The following ECEL1 variants were observed in gnomAD, a reference collection of about 807,000 sequenced individuals.
ECEL1 encodes endothelin converting enzyme like 1.
ECEL1 carries 87 observed loss-of-function variants against 101.8 expected under a neutral mutation model. The ratio of observed to expected loss-of-function variants is 0.85; its 90% CI spans 0.72 to 1.02. ECEL1 has a LOEUF of 1.02. ECEL1 is among the 50% of genes least tolerant of loss of function. The pLI is 0.00. For missense variants in ECEL1, 1,032 were observed against 1,079.2 expected (o/e 0.96, Z 0.61); for synonymous variants, 487 against 468.7 (o/e 1.04, Z -0.50).
At chr2:232,486,987 T>C (rs1285619290) in intron 1 of ECEL1, among the ~76,000 whole-genome samples, 1 of 152,168 alleles carries the variant, frequency 6.6e-6, no homozygotes, top group African/African-American at 2.4e-5. Flanking sequence ...GGGAGGGCTC[T>C]TATTGGAAGC....
chr2:232,481,083 C>T lies in ECEL1; in HGVS notation c.2055+8G>A. The T allele has an allele frequency of 6.4e-7, 1 of 1,556,256 alleles. No individual in the cohort carries two copies. Among genetic ancestry groups the T allele is most frequent in the Non-Finnish European group, 8.7e-7 (1 of 1,150,144 alleles). On this transcript the variant is annotated splice_region_variant and intron_variant, in intron 15 of 17. Transcript: ENST00000304546. ...GCAGCAGGGGTGGAGCACAGGCAGG[C>T]CGCTCACGTGGTAGGCCAGCTTGAG...
intron 16 of ECEL1, 119 bp from the exon 17 acceptor site, chr2:232,480,594 C>CT: frequency 3.3e-6 from 5 of 1,493,572 alleles, no homozygotes; most frequent in Non-Finnish European, 3.7e-6. Context: ...ACCATCACCT[C>CT]TGACGGGACA....
At position 232,483,175 on chromosome 2, in the gene ECEL1, T is replaced by C. The variant is rs374850133; in HGVS notation, c.1511A>G (p.Gln504Arg). ...GTAGCCGACCATCACCATCATGTAC[T>C]GGAGCTGCGGGCCGAGGGCAGGTGA... is the stretch of plus-strand genomic sequence containing the variant. ...ETRAAARAKL[Q>R]YMMVMVGYPD... The change falls in exon 9 of 18, where the codon CAG (glutamine) becomes CGG (arginine). Residue 504 changes from glutamine (Q) to arginine (R), a missense_variant. Transcript: ENST00000304546. 1.0e-5 allele frequency: 16 copies of C among 1,603,318 alleles called. No individual in the cohort carries two copies. Among genetic ancestry groups the C allele is most frequent in the Non-Finnish European group, 1.4e-5 (16 of 1,175,800 alleles).
At chr2:232,485,838 GC>G in intron 2 of ECEL1, 29 bp downstream of exon 2, 1 of 1,538,484 alleles carries the variant, frequency 6.5e-7, no homozygotes, top group Non-Finnish European at 8.7e-7. Flanking sequence ...ATCCGCGGCC[GC>G]TGGCAGGGCG....
At chr2:232,481,322 T>A (rs528101003) in intron 14 of ECEL1, among the ~76,000 whole-genome samples, 166 bp from the exon 15 acceptor site, 57 of 152,316 alleles carry the variant, frequency 3.7e-4, no homozygotes, top group Non-Finnish European at 3.1e-4. Context: ...AACCCCCTTG[T>A]CCTCCGTAAG....
chr2:232,484,252 C>A (rs1472091904), intron 6 of ECEL1, 29 bp from the exon 7 acceptor site: 2 of 1,598,128 alleles, frequency 1.3e-6, no homozygotes, highest in African/African-American at 1.3e-5. Flanking sequence ...CAGTGGGTGT[C>A]CAGACGGACA....
At position 232,483,296 on chromosome 2, in the gene ECEL1, G is replaced by C. The variant is rs139763270; in HGVS notation, c.1507-117C>G. On this transcript the variant is annotated intron_variant, in intron 8 of 17. Transcript: ENST00000304546. ...CAGCCTGGGAGTGGGCTTCACAGTGGGGGAGGCAGGCCTGGTCAACTCCAC... is the reference window on the plus strand; with the variant it reads ...CAGCCTGGGAGTGGGCTTCACAGTGCGGGAGGCAGGCCTGGTCAACTCCAC... 2.6e-5 allele frequency: 40 copies of C among 1,551,630 alleles called. No individual in the cohort carries two copies. The African/African-American group carries it at 3.5e-4, about 14-fold the overall frequency.
In ECEL1 at chr2:232,485,763, T is replaced by C. The variant is rs186977640; in HGVS notation, c.786+105A>G. 2.3e-4 allele frequency: 321 copies of C among 1,404,908 alleles called. 1 individual carries two copies. In the African/African-American group the frequency reaches 4.2e-3, roughly 19 times the overall value. 87.0% of individuals were successfully genotyped at this position (1,404,908 alleles called of 1,614,324 possible). ...TCCCCTCTCCTGCTCGTCTCTTCCC[T>C]CCTCTCCTCTCACGCACCCGCCTCC... On this transcript the variant is annotated intron_variant, in intron 2 of 17. Coordinates refer to ENST00000304546, the MANE Select transcript of ECEL1 (RefSeq NM_004826.4).
At position 232,486,498 on chromosome 2, in the gene ECEL1, C is replaced by A; in HGVS notation, c.156G>T (p.Leu52=). 7.2e-7 allele frequency: 1 copy of A among 1,383,892 alleles called. No individual in the cohort carries two copies. Among genetic ancestry groups the A allele is most frequent in the Non-Finnish European group, 9.3e-7 (1 of 1,079,050 alleles). 85.7% of individuals were successfully genotyped at this position (1,383,892 alleles called of 1,614,324 possible). The change falls in exon 2 of 18, where the codon CTG becomes CTT. Residue 52 remains leucine (L), a synonymous_variant. Transcript: ENST00000304546. ...ACACCTCGCGCCGGTTCCAGCGCGG[C>A]AGCCCGGACCGGGCCCCGGTGGCGC... The part of the protein sequence containing the change: ...ARSATGARSG[L]PRWNRREVCL...
Position 232,480,352 on chromosome 2 carries a change from C to T in ECEL1, c.2228+47G>A, listed in dbSNP as rs1690544557. The T allele has an allele frequency of 5.0e-6, 8 of 1,612,368 alleles. No homozygotes were observed. The Middle Eastern group carries it at 6.6e-4, about 133-fold the overall frequency. On this transcript the variant is annotated intron_variant, in intron 17 of 17. Coordinates refer to ENST00000304546, the MANE Select transcript of ECEL1 (RefSeq NM_004826.4). ...TTCCTTCCCATGCCCCCTGATCCCA[C>T]CCCAAACACAAGGAGTGGACAAGGC...
In ECEL1 at chr2:232,486,794, C is replaced by T; in HGVS notation, c.-101-40G>A. Reference sequence around the variant, plus strand: ...GAAGCAGGCTCAGGAGGCGCCGCAGCCGGATGGGGCTCAGGGTCACCGCGA... The same window carrying T: ...GAAGCAGGCTCAGGAGGCGCCGCAGTCGGATGGGGCTCAGGGTCACCGCGA... On this transcript the variant is annotated intron_variant, in intron 1 of 17. Transcript: ENST00000304546. The T allele has an allele frequency of 5.3e-6, 5 of 938,032 alleles. No individual in the cohort carries two copies. In the South Asian group the frequency reaches 1.2e-4, roughly 22 times the overall value. The allele number at this position is 938,032 out of a possible 1,614,324, so 58.1% of individuals were successfully genotyped here.
At position 232,480,141 on chromosome 2, in the gene ECEL1, G is replaced by C; in HGVS notation, c.*12C>G. The C allele has an allele frequency of 6.2e-7, 1 of 1,613,130 alleles. No homozygotes were observed. Among genetic ancestry groups the C allele is most frequent in the Middle Eastern group, 1.7e-4 (1 of 6,032 alleles). ...GCGGGGGCAGTGGGGGCGTGCAGGC[G>C]GGCAGCCAGGCTCACCACACGGAAC... On this transcript the variant is annotated 3_prime_UTR_variant, in exon 18 of 18. Transcript: ENST00000304546.
At chr2:232,484,325 G>C (rs1041302657) in intron 6 of ECEL1, 102 bp from the exon 7 acceptor site, 25 of 1,561,354 alleles carry the variant, frequency 1.6e-5, no homozygotes, top group Non-Finnish European at 1.3e-5. Flanking sequence ...CTGGACCCAG[G>C]ACCCAGACAG....
At chr2:232,487,177 C>T (rs950919189) in intron 1 of ECEL1, among the ~76,000 whole-genome samples, 1 of 152,212 alleles carries the variant, frequency 6.6e-6, no homozygotes, top group African/African-American at 2.4e-5. Context: ...ACTTTCAGCT[C>T]TCCGCGCTGG....
In ECEL1 at chr2:232,485,025, G is replaced by C; in HGVS notation, c.922C>G (p.Gln308Glu). The C allele has an allele frequency of 6.2e-7, 1 of 1,612,940 alleles. No individual in the cohort carries two copies. The highest frequency in any genetic ancestry group is 1.1e-5 in the South Asian group (1 of 91,082). Residue 308 changes from glutamine to glutamate, a missense_variant, in exon 4 of 18, where the codon CAG becomes GAG. Gln to Glu is a conservative substitution (Grantham distance 29, BLOSUM62 2). Coordinates refer to ENST00000304546, the MANE Select transcript of ECEL1 (RefSeq NM_004826.4). ...ACTTGCAGGATCTCTTGGGCCTTCT[G>C]TTCCACAGCGTCTGCACCCAGGAGG... Reference protein sequence around the residue: ...LSLLGADAVEQKAQEILQVEQ... With the variant: ...LSLLGADAVEEKAQEILQVEQ...
rs1247801096 is a variant in ECEL1, at chr2:232,481,535, A to G, written c.1960T>C (p.Tyr654His). 5 of 1,613,186 alleles carry G rather than the reference A, an allele frequency of 3.1e-6. No homozygotes were observed. The highest frequency in any genetic ancestry group is 4.2e-6 in the Non-Finnish European group (5 of 1,179,806). Residue 654 changes from tyrosine (Y) to histidine (H), a missense_variant, in exon 14 of 18, where the codon TAT (tyrosine) becomes CAT (histidine). Physicochemically the swap from Tyr to His is moderately conservative, Grantham distance 83. Coordinates refer to ENST00000304546, the MANE Select transcript of ECEL1 (RefSeq NM_004826.4). ...TGGTTGTAGACAGTGAAGTTGTCATAGAGACGGACGATGCACTCAGCCTTT... is the reference window on the plus strand; with the variant it reads ...TGGTTGTAGACAGTGAAGTTGTCATGGAGACGGACGATGCACTCAGCCTTT... ...LRKAECIVRL[Y>H]DNFTVYNQRV...
In ECEL1 at chr2:232,486,089, C is replaced by T; in HGVS notation, c.565G>A (p.Asp189Asn). Reference protein sequence around the residue: ...KVRAFFRSCLDMREIERLGPR... With the variant: ...KVRAFFRSCLNMREIERLGPR... ...CCCAGTCGCTCGATCTCGCGCATGT[C>T]GAGGCACGAGCGGAAGAAGGCGCGC... Residue 189 changes from aspartate to asparagine, a missense_variant, in exon 2 of 18, where the codon GAC becomes AAC. By Grantham distance (23) the Asp-to-Asn change is conservative. Coordinates refer to ENST00000304546, the MANE Select transcript of ECEL1 (RefSeq NM_004826.4). 6.3e-7 allele frequency: 1 copy of T among 1,598,350 alleles called. No homozygotes were observed.
chr2:232,484,399 A>ATTTCT, intron 6 of ECEL1, 73 bp downstream of exon 6: 1 of 1,593,122 alleles, frequency 6.3e-7, no homozygotes, highest in Non-Finnish European at 8.6e-7. Context: ...AAGCCCACCC[A>ATTTCT]GCAGAGAGGT....
Position 232,480,035 on chromosome 2 carries a change from G to A in ECEL1, c.*118C>T. On this transcript the variant is annotated 3_prime_UTR_variant, in exon 18 of 18. Coordinates refer to ENST00000304546, the MANE Select transcript of ECEL1 (RefSeq NM_004826.4). ...GCAGCAGGGGGACCGGGTCCTGGAG[G>A]GGCTGGAAGGCAGGTGGTGCCCAGA... 3.1e-6 allele frequency: 3 copies of A among 960,194 alleles called. No homozygotes were observed. The highest frequency in any genetic ancestry group is 4.8e-6 in the Non-Finnish European group (3 of 628,354). 59.5% of individuals were successfully genotyped at this position (960,194 alleles called of 1,614,324 possible). A position where few individuals can be genotyped will look rare whatever the true frequency, so the allele number is the denominator to read the frequency against.
Sources: gnomAD v4.1 joint callset for allele counts (sites outside exome capture counted in the v4.1 genomes callset) on GRCh38, gnomAD v4.1.1 for gene constraint, MANE v1.5 for transcripts, NCBI Gene and HGNC (gene_info 2026-07-23, HGNC 2026-07-21) for gene names.